ADRM1: variants seen among roughly 807,000 people sequenced by gnomAD.
The protein encoded by ADRM1 is ADRM1 26S proteasome ubiquitin receptor.
A neutral mutation model predicts 40.1 loss-of-function variants in ADRM1; 2 were observed. That is an observed-to-expected ratio of 0.05 (90% CI 0.02 to 0.16). The LOEUF is 0.16. Among genes scored for constraint, ADRM1 ranks in the 10% least tolerant of loss-of-function variants. The pLI, the probability that ADRM1 is intolerant of heterozygous loss-of-function variation, is 1.00. For missense variants in ADRM1, 467 were observed against 552.5 expected (o/e 0.85, Z 1.55); for synonymous variants, 287 against 240.4 (o/e 1.19, Z -1.79).
chr20:62,306,238 C>T lies in ADRM1; in HGVS notation c.372C>T (p.Val124=), dbSNP rs772850938. ...TDQDEEHCRK[V]NEYLNNPPMP... is the part of the protein sequence containing the mutation. The stretch of plus-strand genomic sequence containing the variant: ...AGGATGAGGAGCATTGCCGGAAAGT[C>T]AACGAGTATCTGAACAACCCCCCGA... The change falls in exon 4 of 10, where the codon GTC becomes GTT. Residue 124 remains valine (V), a synonymous_variant. Coordinates refer to ENST00000253003, the MANE Select transcript of ADRM1 (RefSeq NM_007002.4). 7 of 1,613,218 alleles carry T rather than the reference C, an allele frequency of 4.3e-6. No individual in the cohort carries two copies. The highest frequency in any genetic ancestry group is 5.9e-6 in the Non-Finnish European group (7 of 1,179,956).
chr20:62,306,388 G>GC (rs772606969), intron 4 of ADRM1, 68 bp downstream of exon 4: 2 of 1,606,752 alleles, frequency 1.2e-6, no homozygotes, highest in South Asian at 1.1e-5. Flanking sequence ...TGGATGACTC[G>GC]CCCCCTCAGC....
intron 4 of ADRM1, 145 bp downstream of exon 4, chr20:62,306,465 C>A: frequency 7.2e-7 from 1 of 1,380,770 alleles, no homozygotes; most frequent in Non-Finnish European, 1.0e-6. Context: ...CCCTGGGTCA[C>A]TCCCCACTCC....
intron 3 of ADRM1, among the ~76,000 whole-genome samples, chr20:62,305,244 G>T (rs79784614): frequency 0.013 from 1,928 of 152,266 alleles, 48 homozygotes; most frequent in African/African-American, 0.044. Flanking sequence ...GTGTGCATGC[G>T]TTTGCAGTGT....
chr20:62,307,926 G>C, intron 7 of ADRM1, 95 bp from the exon 8 acceptor site: 1 of 1,547,812 alleles, frequency 6.5e-7, no homozygotes. Context: ...TGCGCGCCTG[G>C]GGTGCTGGGG....
chr20:62,308,253 A>G lies in ADRM1; in HGVS notation c.1014+75A>G. The G allele has an allele frequency of 1.9e-6, 3 of 1,541,746 alleles. No individual in the cohort carries two copies. In the South Asian group the frequency reaches 3.5e-5, roughly 18 times the overall value. Reference sequence around the variant, plus strand: ...AGGGGGGAGGAGGAGGCCCTGCCCCACCTTCACCATGGCCAGTGCTTCATG... The same window carrying G: ...AGGGGGGAGGAGGAGGCCCTGCCCCGCCTTCACCATGGCCAGTGCTTCATG... On this transcript the variant is annotated intron_variant, in intron 8 of 9. Coordinates refer to ENST00000253003, the MANE Select transcript of ADRM1 (RefSeq NM_007002.4).
rs773825709 is a variant in ADRM1, at chr20:62,303,763, G to A, written c.195G>A (p.Thr65=). The change falls in exon 2 of 10, where the codon ACG becomes ACA. Residue 65 remains threonine (T), a synonymous_variant. Transcript: ENST00000253003. ...SLIHFCWKDR[T]SGNVEDDLII... is the part of the protein sequence containing the mutation. ...TTCACTTCTGCTGGAAGGACAGGAC[G>A]TCCGGGAACGTGGAAGACGTGAGTG... The A allele has an allele frequency of 3.1e-6, 5 of 1,611,136 alleles. No individual in the cohort carries two copies. Among genetic ancestry groups the A allele is most frequent in the Non-Finnish European group, 3.4e-6 (4 of 1,179,790 alleles).
At position 62,308,470 on chromosome 20, in the gene ADRM1, G is replaced by GGTAA. The variant is rs574590430; in HGVS notation, c.1117+3_1117+6dup. ...GGCTGTGGAGGCCGCCAACAAGGGCGGTAAGTGGCTGCGCCTGCACCTCCA... is the reference window on the plus strand; with the variant it reads ...GGCTGTGGAGGCCGCCAACAAGGGCGGTAAGTAAGTGGCTGCGCCTGCACCTCCA... On this transcript the variant is annotated frameshift_variant and splice_region_variant. Transcript: ENST00000253003. LOFTEE classifies it high-confidence loss of function. The GGTAA allele has an allele frequency of 1.5e-3, 2,347 of 1,600,462 alleles. 67 individuals are homozygous for GGTAA. The Admixed American group carries it at 0.039, about 27-fold the overall frequency.
In ADRM1 at chr20:62,303,615, G is replaced by C; in HGVS notation, c.47G>C (p.Arg16Pro). 1 of 1,605,536 alleles carries C rather than the reference G, an allele frequency of 6.2e-7. No individual in the cohort carries two copies. Among genetic ancestry groups the C allele is most frequent in the Non-Finnish European group, 8.5e-7 (1 of 1,177,314 alleles). ...TTTCCAAGCCTGGTGCCAGGCTCTC[G>C]GGGCGCCTCCAACAAGTACTTGGTG... Reference protein sequence around the residue: ...ALFPSLVPGSRGASNKYLVEF... With the variant: ...ALFPSLVPGSPGASNKYLVEF... The change falls in exon 2 of 10, where the codon CGG (arginine) becomes CCG (proline). Residue 16 changes from arginine (R) to proline (P), a missense_variant. Arg to Pro is a moderately radical substitution (Grantham distance 103, BLOSUM62 -2). Around this residue, in one of 3 missense-constraint regions of ADRM1, gnomAD observed 33 missense variants for 28.8 expected, o/e 1.15. Transcript: ENST00000253003.
intron 9 of ADRM1, 40 bp downstream of exon 9, chr20:62,308,510 G>A: frequency 1.9e-6 from 3 of 1,571,794 alleles, no homozygotes; most frequent in Admixed American, 1.9e-5. Context: ...AGAGCCAGGG[G>A]CAGGGTCCAT....
chr20:62,303,856 G>A (rs1175627948), intron 2 of ADRM1, 75 bp downstream of exon 2: 4 of 1,490,000 alleles, frequency 2.7e-6, no homozygotes, highest in Non-Finnish European at 3.7e-6. Context: ...GGAGTTCGCG[G>A]TGGGGGCTTG....
At position 62,306,233 on chromosome 20, in the gene ADRM1, A is replaced by G. The variant is rs769591009; in HGVS notation, c.367A>G (p.Lys123Glu). ...KTDQDEEHCR[K>E]VNEYLNNPPM... ...AGACCAGGATGAGGAGCATTGCCGG[A>G]AAGTCAACGAGTATCTGAACAACCC... Residue 123 changes from lysine to glutamate, a missense_variant, in exon 4 of 10, where the codon AAA becomes GAA. Transcript: ENST00000253003. The G allele has an allele frequency of 1.2e-6, 2 of 1,613,332 alleles. No individual in the cohort carries two copies. Among genetic ancestry groups the G allele is most frequent in the South Asian group, 2.2e-5 (2 of 91,088 alleles).
chr20:62,307,863 G>A (rs767958676), intron 7 of ADRM1, 35 bp downstream of exon 7: 12 of 1,574,364 alleles, frequency 7.6e-6, no homozygotes, highest in Non-Finnish European at 1.0e-5. Context: ...TGGGTGGGGG[G>A]CATGGGGCCT....
chr20:62,305,572 C>A (rs1303304867), intron 3 of ADRM1: 1 of 152,188 alleles, frequency 6.6e-6, no homozygotes, highest in Non-Finnish European at 1.5e-5. Context: ...CCCCGATTTT[C>A]CTGTTGGTGG....
rs926632282 is a variant in ADRM1, at chr20:62,305,761, C to T, written c.331-436C>T. The T allele has an allele frequency of 2.5e-5, 5 of 202,632 alleles. No homozygotes were observed. The South Asian group carries it at 3.7e-4, about 15-fold the overall frequency. The allele number at this position is 202,632 out of a possible 1,614,324, so 12.6% of individuals were successfully genotyped here. On this transcript the variant is annotated intron_variant, in intron 3 of 9. Transcript: ENST00000253003. ...ACATGTGTGTGCACACGCGTGTGCT[C>T]GATTGTGAGCGCCTGCCGTGGCCCT...
intron 4 of ADRM1, 52 bp downstream of exon 4, chr20:62,306,372 C>G: frequency 6.2e-7 from 1 of 1,611,468 alleles, no homozygotes; most frequent in Non-Finnish European, 8.5e-7. Flanking sequence ...AGGCCAGAGT[C>G]TACTGTGGAT....
chr20:62,306,417 G>T, intron 4 of ADRM1, 97 bp downstream of exon 4: 4 of 1,589,648 alleles, frequency 2.5e-6, no homozygotes, highest in Non-Finnish European at 3.4e-6. Flanking sequence ...TTTGGAAGTG[G>T]AAATAGAAGA....
intron 3 of ADRM1, among the ~76,000 whole-genome samples, chr20:62,305,023 C>G (rs1189316344): frequency 6.6e-6 from 1 of 152,234 alleles, no homozygotes; most frequent in Non-Finnish European, 1.5e-5. Flanking sequence ...GGTGTCAGTG[C>G]CCAGGGTTTC....
In ADRM1 at chr20:62,308,673, A is replaced by G. The variant is rs775795054; in HGVS notation, c.1136A>G (p.Lys379Arg). The change falls in exon 10 of 10, where the codon AAA becomes AGA. Residue 379 changes from lysine to arginine, a missense_variant. Coordinates refer to ENST00000253003, the MANE Select transcript of ADRM1 (RefSeq NM_007002.4). The stretch of plus-strand genomic sequence containing the variant: ...GTTCTAGATGTGGAAGCGTTTGCCA[A>G]AGCCATGCAGAACAACGCCAAGCCC... ...ANKGDVEAFA[K>R]AMQNNAKPEQ... 3.1e-6 allele frequency: 5 copies of G among 1,612,906 alleles called. No homozygotes were observed. Among genetic ancestry groups the G allele is most frequent in the Admixed American group, 3.3e-5 (2 of 59,996 alleles).
Position 62,308,735 on chromosome 20 carries a change from G to A in ADRM1, c.1198G>A (p.Glu400Lys), listed in dbSNP as rs140787599. The change falls in exon 10 of 10, where the codon GAA (glutamate) becomes AAA (lysine). Residue 400 changes from glutamate to lysine, a missense_variant. This residue lies in a region of ADRM1 where 418 missense variants were observed against 474.6 expected (regional missense o/e 0.88). Transcript: ENST00000253003. ...KEGDTKDKKDEEEDMSLD is the reference protein window; with the variant it reads ...KEGDTKDKKDKEEDMSLD ...GGGCGACACGAAGGACAAGAAGGAC[G>A]AAGAGGAGGACATGAGCCTGGACTG... The A allele has an allele frequency of 1.3e-5, 20 of 1,592,310 alleles. No individual in the cohort carries two copies. In the East Asian group the frequency reaches 3.3e-4, roughly 27 times the overall value.
Sources: gnomAD v4.1 joint callset for allele counts (sites outside exome capture counted in the v4.1 genomes callset) on GRCh38, gnomAD v4.1.1 for gene constraint, gnomAD v4.1.1 regional missense constraint, MANE v1.5 for transcripts, NCBI Gene and HGNC (gene_info 2026-07-23, HGNC 2026-07-21) for gene names.